SNAP25: variants seen among roughly 807,000 people sequenced by gnomAD.
SNAP25 encodes synaptosomal-associated protein 25.
A neutral mutation model predicts 28.7 loss-of-function variants in SNAP25; 3 were observed. The observed-to-expected ratio is 0.10, with a 90% CI of 0.05 to 0.27. The LOEUF is 0.27. Ranked by LOEUF, SNAP25 falls within the 10% of genes least tolerant of loss-of-function variation. The pLI, the probability that SNAP25 is intolerant of heterozygous loss-of-function variation, is 1.00. For missense variants in SNAP25, 117 were observed against 278.7 expected, an observed-to-expected ratio of 0.42 and a Z score of 4.13; for synonymous variants, 61 against 88.1, an observed-to-expected ratio of 0.69 and a Z score of 1.72.
intron 1 of SNAP25, among the ~76,000 whole-genome samples, chr20:10,269,270 A>G (rs1196324479): frequency 6.6e-6 from 1 of 152,044 alleles, no homozygotes; most frequent in Non-Finnish European, 1.5e-5. Context: ...CTAGCCAGAC[A>G]TGGTGTGCAT....
At chr20:10,274,829 C>T (rs757445571) in intron 1 of SNAP25, among the ~76,000 whole-genome samples, 3 of 151,770 alleles carry the variant, frequency 2.0e-5, no homozygotes, top group Admixed American at 6.6e-5. Context: ...GGCGACAGAG[C>T]GAGACTCTGT....
chr20:10,291,072 A>T (rs1423001827), intron 4 of SNAP25, among the ~76,000 whole-genome samples: 2 of 152,078 alleles, frequency 1.3e-5, no homozygotes, highest in African/African-American at 4.8e-5. Context: ...AATTTTTTTT[A>T]ATTGTAATTT....
intron 1 of SNAP25, among the ~76,000 whole-genome samples, chr20:10,225,082 TA>T (rs887559971): frequency 4.0e-5 from 6 of 151,640 alleles, no homozygotes; most frequent in Admixed American, 3.9e-4. Context: ...GGATGTGGGG[TA>T]AAATGACATC....
At chr20:10,297,184 A>T (rs1289419296) in intron 6 of SNAP25, 134 bp downstream of exon 6, 23 of 1,198,124 alleles carry the variant, frequency 1.9e-5, no homozygotes, top group Non-Finnish European at 2.3e-5. Context: ...TTCTTTTCTA[A>T]GCCTTTCCTG....
At chr20:10,245,992 T>C (rs950592089) in intron 1 of SNAP25, among the ~76,000 whole-genome samples, 1 of 152,242 alleles carries the variant, frequency 6.6e-6, no homozygotes, top group Admixed American at 6.5e-5. Flanking sequence ...ACTTCAAAGC[T>C]GTGTGCCCTT....
At chr20:10,233,628 G>A (rs1161090490) in intron 1 of SNAP25, among the ~76,000 whole-genome samples, 2 of 152,160 alleles carry the variant, frequency 1.3e-5, no homozygotes, top group Non-Finnish European at 2.9e-5. Flanking sequence ...ATACAGACCC[G>A]AGAACTAGAC....
At chr20:10,279,034 G>T (rs1016522230) in intron 3 of SNAP25, among the ~76,000 whole-genome samples, 4 of 152,192 alleles carry the variant, frequency 2.6e-5, no homozygotes, top group African/African-American at 9.6e-5. Context: ...GGCAGCCCTA[G>T]CAAAGCAGGT....
chr20:10,268,808 T>C (rs1342434323), intron 1 of SNAP25, among the ~76,000 whole-genome samples: 3 of 152,156 alleles, frequency 2.0e-5, no homozygotes, highest in Non-Finnish European at 4.4e-5. Flanking sequence ...CACTGAAGAA[T>C]AACTGCAGCC....
chr20:10,288,633 A>G (rs1394665964), intron 4 of SNAP25, among the ~76,000 whole-genome samples: 1 of 152,172 alleles, frequency 6.6e-6, no homozygotes, highest in Non-Finnish European at 1.5e-5. Context: ...AGACATTTCA[A>G]TTATAGCCAT....
intron 1 of SNAP25, among the ~76,000 whole-genome samples, chr20:10,233,949 C>T (rs2062871989): frequency 6.6e-6 from 1 of 152,098 alleles, no homozygotes; most frequent in Non-Finnish European, 1.5e-5. Context: ...ACTCTATTAA[C>T]AATTTTGGCC....
At chr20:10,294,191 A>G (rs918476247) in intron 5 of SNAP25, among the ~76,000 whole-genome samples, 1 of 152,158 alleles carries the variant, frequency 6.6e-6, no homozygotes, top group Non-Finnish European at 1.5e-5. Flanking sequence ...TCCCCCTTCT[A>G]AAAGAAGACT....
intron 1 of SNAP25, among the ~76,000 whole-genome samples, chr20:10,255,498 G>A (rs1282745521): frequency 6.6e-6 from 1 of 152,162 alleles, no homozygotes; most frequent in African/African-American, 2.4e-5. Flanking sequence ...CCAACTCAGG[G>A]TTCTGGGGTG....
At chr20:10,244,961 C>T (rs2063101768) in intron 1 of SNAP25, among the ~76,000 whole-genome samples, 1 of 152,022 alleles carries the variant, frequency 6.6e-6, no homozygotes, top group African/African-American at 2.4e-5. Flanking sequence ...GAACTCCTGA[C>T]CTCAGGTGAT....
chr20:10,241,030 C>T (rs1052343718), intron 1 of SNAP25, among the ~76,000 whole-genome samples: 28 of 152,148 alleles, frequency 1.8e-4, no homozygotes, highest in African/African-American at 6.5e-4. Flanking sequence ...TGCCTTGCTG[C>T]GCTTCCATGG....
At chr20:10,261,093 A>C (rs2063406974) in intron 1 of SNAP25, among the ~76,000 whole-genome samples, 1 of 152,114 alleles carries the variant, frequency 6.6e-6, no homozygotes, top group Non-Finnish European at 1.5e-5. Flanking sequence ...CTAATATTGA[A>C]CCAATCTAGT....
chr20:10,286,156 C>T (rs6104577), intron 4 of SNAP25, among the ~76,000 whole-genome samples: 45 of 152,000 alleles, frequency 3.0e-4, no homozygotes, highest in African/African-American at 1.0e-3. Context: ...GTGGGGAGAC[C>T]AACCCAATTA....
At chr20:10,300,887 C>T (rs1287263801) in intron 7 of SNAP25, among the ~76,000 whole-genome samples, 1 of 152,046 alleles carries the variant, frequency 6.6e-6, no homozygotes. Flanking sequence ...AGTTTCAAAA[C>T]TCACTAGAGC....
intron 1 of SNAP25, among the ~76,000 whole-genome samples, chr20:10,224,981 T>G (rs958104416): frequency 1.3e-5 from 2 of 152,040 alleles, no homozygotes; most frequent in African/African-American, 4.8e-5. Context: ...TTATAGAATC[T>G]GTGAGCTGTA....
intron 3 of SNAP25, among the ~76,000 whole-genome samples, chr20:10,284,053 C>T (rs73896514): frequency 0.016 from 2,479 of 152,274 alleles, 59 homozygotes; most frequent in African/African-American, 0.056. Flanking sequence ...TTTTCTCACA[C>T]TAGATTATTA....
Sources: allele counts gnomAD v4.1 joint callset (sites outside exome capture counted in the v4.1 genomes callset), GRCh38; gene constraint gnomAD v4.1.1; transcripts MANE v1.5; gene names NCBI Gene and HGNC (gene_info 2026-07-23, HGNC 2026-07-21).